DLG2: variants seen among roughly 807,000 people sequenced by gnomAD.
DLG2 encodes the protein disks large homolog 2.
Under a neutral mutation model 132.5 loss-of-function variants are expected in DLG2, and 45 were observed. The observed-to-expected ratio is 0.34, with a 90% CI of 0.27 to 0.44. DLG2 has a LOEUF of 0.44. Ranked by LOEUF, DLG2 falls within the 20% of genes least tolerant of loss-of-function variation. The pLI is 1.00. For synonymous variants in DLG2, 424 were observed against 419.6 expected, an observed-to-expected ratio of 1.01 and a Z score of -0.13; for missense variants, 1,045 against 1,196.9, an observed-to-expected ratio of 0.87 and a Z score of 1.87.
intron 18 of DLG2, among the ~76,000 whole-genome samples, chr11:83,749,811 T>C (rs974965508): frequency 6.6e-6 from 1 of 152,158 alleles, no homozygotes; most frequent in Non-Finnish European, 1.5e-5. Flanking sequence ...CTCCTATGGG[T>C]ATGTTTGTAA....
At chr11:84,119,622 T>C (rs936743703) in intron 9 of DLG2, among the ~76,000 whole-genome samples, 1 of 152,060 alleles carries the variant, frequency 6.6e-6, no homozygotes, top group Non-Finnish European at 1.5e-5. Flanking sequence ...GAAAAAAGCA[T>C]CTTTATTTTT....
chr11:85,140,517 T>C (rs1223639078), intron 5 of DLG2, among the ~76,000 whole-genome samples: 1 of 151,864 alleles, frequency 6.6e-6, no homozygotes, highest in Non-Finnish European at 1.5e-5. Context: ...AAATGTTTAA[T>C]GATCACATCA....
chr11:83,908,328 T>C (rs1037467332), intron 15 of DLG2, among the ~76,000 whole-genome samples: 2 of 152,024 alleles, frequency 1.3e-5, no homozygotes, highest in African/African-American at 4.8e-5. Context: ...CAGCCTCGGA[T>C]ACCAACCTTT....
At chr11:84,739,402 T>C (rs925376811) in intron 6 of DLG2, among the ~76,000 whole-genome samples, 1 of 152,192 alleles carries the variant, frequency 6.6e-6, no homozygotes, top group Non-Finnish European at 1.5e-5. Flanking sequence ...TGTTAGAAGA[T>C]AGAATTCCAC....
chr11:83,776,229 A>G (rs1302012391), intron 18 of DLG2, among the ~76,000 whole-genome samples: 1 of 152,236 alleles, frequency 6.6e-6, no homozygotes, highest in Non-Finnish European at 1.5e-5. Flanking sequence ...ATGTATTCAT[A>G]GGTCCATATT....
rs781596546 is a variant in DLG2, at chr11:83,462,029, C to T, written c.2794G>A (p.Glu932Lys). ...GTAAAATATTCTCCAAATTCTTGTT[C>T]TAGCTTAATTGCTCGATCATAGGTT... is the stretch of plus-strand genomic sequence containing the variant. ...KKTYDRAIKL[E>K]QEFGEYFTAI... Residue 932 changes from glutamate to lysine, a missense_variant, in exon 27 of 28, where the codon GAA (glutamate) becomes AAA (lysine). Coordinates refer to ENST00000376104, the MANE Select transcript of DLG2 (RefSeq NM_001142699.3). 1 of 1,612,816 alleles carries T rather than the reference C, an allele frequency of 6.2e-7. No homozygotes were observed. Among genetic ancestry groups the T allele is most frequent in the South Asian group, 1.1e-5 (1 of 91,052 alleles).
chr11:85,038,703 T>C (rs544602708), intron 6 of DLG2, among the ~76,000 whole-genome samples: 1 of 152,114 alleles, frequency 6.6e-6, no homozygotes, highest in African/African-American at 2.4e-5. Context: ...GAAGTAAAAA[T>C]TTAAAGAAAA....
intron 8 of DLG2, among the ~76,000 whole-genome samples, chr11:84,230,871 T>C (rs2097082373): frequency 6.6e-6 from 1 of 152,146 alleles, no homozygotes; most frequent in Admixed American, 6.5e-5. Flanking sequence ...TCTATAGCAG[T>C]ATTGGTTATA....
intron 12 of DLG2, among the ~76,000 whole-genome samples, chr11:83,974,955 C>A (rs2091976036): frequency 6.6e-6 from 1 of 151,972 alleles, no homozygotes; most frequent in Non-Finnish European, 1.5e-5. Flanking sequence ...CTCTCACTGA[C>A]AATTTTTTCT....
intron 21 of DLG2, among the ~76,000 whole-genome samples, chr11:83,502,955 C>G (rs551790810): frequency 6.6e-6 from 1 of 151,990 alleles, no homozygotes; most frequent in African/African-American, 2.4e-5. Flanking sequence ...AAATAATTAT[C>G]AGATAGTTAC....
At chr11:85,406,809 G>C (rs1056676873) in intron 3 of DLG2, among the ~76,000 whole-genome samples, 11 of 151,784 alleles carry the variant, frequency 7.2e-5, no homozygotes, top group Non-Finnish European at 1.6e-4. Context: ...CCATTTTTCA[G>C]TGAAATATAT....
In DLG2 at chr11:84,415,396, C is replaced by T. The variant is rs75478243; in HGVS notation, c.519+119174G>A. Among the ~76,000 whole-genome samples, 1,473 of 152,158 alleles carry T rather than the reference C, an allele frequency of 9.7e-3. 20 individuals carry two copies. The highest frequency in any genetic ancestry group is 0.031 in the Middle Eastern group (9 of 294). The stretch of plus-strand genomic sequence containing the variant: ...TGATATTATTATCATATTGAGTGAA[C>T]CATTATGAACATTATGTACAAAGCA... On this transcript the variant is annotated intron_variant, in intron 7 of 27. Coordinates refer to ENST00000376104, the MANE Select transcript of DLG2 (RefSeq NM_001142699.3).
At chr11:84,949,240 C>A (rs978404432) in intron 6 of DLG2, among the ~76,000 whole-genome samples, 1 of 151,768 alleles carries the variant, frequency 6.6e-6, no homozygotes, top group African/African-American at 2.4e-5. Flanking sequence ...AGGGAGTGTG[C>A]GAATAGGTGT....
chr11:84,838,639 G>A (rs897197911), intron 6 of DLG2, among the ~76,000 whole-genome samples: 2 of 151,808 alleles, frequency 1.3e-5, no homozygotes, highest in Non-Finnish European at 2.9e-5. Context: ...ATATAAGAAT[G>A]TTCACTGCAG....
chr11:83,777,759 T>G lies in DLG2; in HGVS notation c.1825+8931A>C, dbSNP rs140743590. Reference sequence around the variant, plus strand: ...GATCTTTCCCCTTCTTCCGAGTGGGTGAAAGATAATTTCTGTGTGTTTAAA... The same window carrying G: ...GATCTTTCCCCTTCTTCCGAGTGGGGGAAAGATAATTTCTGTGTGTTTAAA... On this transcript the variant is annotated intron_variant, in intron 18 of 27. Transcript: ENST00000376104. Among the ~76,000 whole-genome samples, 547 of 152,258 alleles carry G rather than the reference T, an allele frequency of 3.6e-3. 3 individuals carry two copies. The highest frequency in any genetic ancestry group is 0.026 in the East Asian group (136 of 5,184).
intron 3 of DLG2, among the ~76,000 whole-genome samples, chr11:85,525,795 C>T (rs780920732): frequency 9.5e-4 from 145 of 152,280 alleles, no homozygotes; most frequent in Non-Finnish European, 1.6e-3. Flanking sequence ...CATGTAGTCT[C>T]TCTGAGAAGA....
At chr11:84,773,094 T>C (rs1169578821) in intron 6 of DLG2, among the ~76,000 whole-genome samples, 1 of 151,780 alleles carries the variant, frequency 6.6e-6, no homozygotes, top group Non-Finnish European at 1.5e-5. Context: ...ACTAAAAAAG[T>C]GCTATTACAA....
At chr11:83,783,025 T>C (rs1366752009) in intron 18 of DLG2, among the ~76,000 whole-genome samples, 2 of 152,234 alleles carry the variant, frequency 1.3e-5, no homozygotes, top group Non-Finnish European at 2.9e-5. Context: ...GTACAATGTA[T>C]GTAATCCTCT....
At chr11:84,143,190 A>AT (rs2154241466) in intron 9 of DLG2, among the ~76,000 whole-genome samples, 1 of 139,926 alleles carries the variant, frequency 7.1e-6, no homozygotes, top group East Asian at 2.2e-4. Context: ...TCAGTATATA[A>AT]AAGGTAGGCA....
Sources: gnomAD v4.1 joint callset for allele counts (sites outside exome capture counted in the v4.1 genomes callset) on GRCh38, gnomAD v4.1.1 for gene constraint, MANE v1.5 for transcripts, NCBI Gene and HGNC (gene_info 2026-07-23, HGNC 2026-07-21) for gene names.